Variants in LRCH3 observed in about 807,000 individuals in gnomAD.
LRCH3 encodes the protein leucine rich repeats and calponin homology domain containing 3.
In LRCH3, 68 loss-of-function variants were observed where a neutral mutation model predicts 104.5. The observed-to-expected ratio is 0.65, with a 90% CI of 0.54 to 0.80. The LOEUF is 0.80. LRCH3 is among the 30% of genes least tolerant of loss of function. LRCH3 has a pLI of 0.00. For missense variants in LRCH3, 951 were observed against 953.9 expected (o/e 1.00, Z 0.04); for synonymous variants, 344 against 361.3 (o/e 0.95, Z 0.54).
chr3:197,827,128 A>G lies in LRCH3; in HGVS notation c.777+114A>G, dbSNP rs1026746208. ...TCAGGTAAATCATAGTGGAAGCATC[A>G]GGTAAACCACAGTGGAAGCATCAGG... On this transcript the variant is annotated intron_variant, in intron 5 of 20. Transcript: ENST00000425562. 1.3e-5 allele frequency: 19 copies of G among 1,504,220 alleles called. No individual in the cohort carries two copies. The South Asian group carries it at 2.0e-4, about 16-fold the overall frequency. 93.2% of individuals were successfully genotyped at this position (1,504,220 alleles called of 1,614,324 possible).
chr3:197,837,856 GGCCAACATGAAGAAAC>G (rs1317342143), intron 9 of LRCH3, among the ~76,000 whole-genome samples: 3 of 151,550 alleles, frequency 2.0e-5, no homozygotes, highest in Admixed American at 6.6e-5. Flanking sequence ...AGACCAGACT[GGCCAACATGAAGAAAC>G]GCTGTCTCTA....
chr3:197,796,505 G>A (rs1233370176), intron 1 of LRCH3, among the ~76,000 whole-genome samples: 1 of 152,176 alleles, frequency 6.6e-6, no homozygotes, highest in African/African-American at 2.4e-5. Flanking sequence ...AAGGATAGGA[G>A]TCCAAGATCA....
intron 6 of LRCH3, among the ~76,000 whole-genome samples, chr3:197,830,084 G>A (rs1037426468): frequency 6.6e-6 from 1 of 152,226 alleles, no homozygotes; most frequent in Admixed American, 6.5e-5. Flanking sequence ...GTAACTAGCC[G>A]AAGGCAAGTC....
At chr3:197,863,506 A>G (rs913842854) in intron 15 of LRCH3, among the ~76,000 whole-genome samples, 1 of 152,038 alleles carries the variant, frequency 6.6e-6, no homozygotes, top group African/African-American at 2.4e-5. Context: ...TGATCCACCC[A>G]CCTCAGCCTC....
intron 19 of LRCH3, among the ~76,000 whole-genome samples, chr3:197,875,427 G>A (rs982766697): frequency 6.6e-6 from 1 of 152,204 alleles, no homozygotes; most frequent in African/African-American, 2.4e-5. Context: ...ACTTTGGGAG[G>A]CTGAGGCAGG....
chr3:197,828,127 G>A (rs896339496), intron 5 of LRCH3, among the ~76,000 whole-genome samples: 3 of 150,910 alleles, frequency 2.0e-5, no homozygotes, highest in Non-Finnish European at 2.9e-5. Context: ...AGCTTTCAGA[G>A]CTAAAAACTA....
At chr3:197,796,267 C>T (rs565223051) in intron 1 of LRCH3, among the ~76,000 whole-genome samples, 2 of 152,084 alleles carry the variant, frequency 1.3e-5, no homozygotes, top group Admixed American at 6.5e-5. Context: ...GGGAGATAGA[C>T]GGGTGGAAGG....
intron 18 of LRCH3, 118 bp downstream of exon 18, chr3:197,870,396 C>T: frequency 1.0e-6 from 1 of 968,114 alleles, no homozygotes. Context: ...GACGGAGTCT[C>T]ACTCTGTCAC....
chr3:197,802,290 T>G (rs1359334764), intron 1 of LRCH3, among the ~76,000 whole-genome samples: 1 of 152,194 alleles, frequency 6.6e-6, no homozygotes, highest in Admixed American at 6.5e-5. Flanking sequence ...CTTTGTCCAT[T>G]TTGTGCTGCT....
At chr3:197,822,392 A>G (rs1045022841) in intron 4 of LRCH3, among the ~76,000 whole-genome samples, 1 of 152,254 alleles carries the variant, frequency 6.6e-6, no homozygotes, top group Non-Finnish European at 1.5e-5. Context: ...ACTTACTCCT[A>G]TAATAATATT....
At chr3:197,802,679 G>T (rs1309972919) in intron 1 of LRCH3, among the ~76,000 whole-genome samples, 9 of 152,076 alleles carry the variant, frequency 5.9e-5, no homozygotes, top group African/African-American at 2.2e-4. Flanking sequence ...TCATTAATCT[G>T]TTCAGATTTT....
chr3:197,839,342 G>T lies in LRCH3; in HGVS notation c.1273G>T (p.Ala425Ser). 1 of 1,596,106 alleles carries T rather than the reference G, an allele frequency of 6.3e-7. No homozygotes were observed. The highest frequency in any genetic ancestry group is 8.5e-7 in the Non-Finnish European group (1 of 1,174,660). ...SHEGSPVKPV[A>S]IREFQKTEDM... ...CTAGGGTTCACCAGTAAAGCCAGTAGCCATTAGGGAGTTTCAAAAAACAGA... is the reference window on the plus strand; with the variant it reads ...CTAGGGTTCACCAGTAAAGCCAGTATCCATTAGGGAGTTTCAAAAAACAGA... Residue 425 changes from alanine to serine, a missense_variant, in exon 10 of 21, where the codon GCC becomes TCC. Physicochemically the swap from Ala to Ser is moderately conservative, Grantham distance 99. Coordinates refer to ENST00000425562, the MANE Select transcript of LRCH3 (RefSeq NM_001365715.1).
In LRCH3 at chr3:197,885,842, T is replaced by G. The variant is rs1714158258; in HGVS notation, c.*2176T>G. 6.6e-6 allele frequency: 1 copy of G among 152,220 alleles called. No individual in the cohort carries two copies. Among genetic ancestry groups the G allele is most frequent in the Non-Finnish European group, 1.5e-5 (1 of 68,040 alleles). 9.4% of individuals were successfully genotyped at this position (152,220 alleles called of 1,614,324 possible). On this transcript the variant is annotated 3_prime_UTR_variant, in exon 21 of 21. Transcript: ENST00000425562. ...AGTAAGCGGAAGATATCTCTTTTGT[T>G]TCTGTAGTTGTTAACTGTTCTGGAT...
chr3:197,880,096 C>A lies in LRCH3; in HGVS notation c.2209-3445C>A, dbSNP rs367931904. Among the ~76,000 whole-genome samples, 46 of 151,306 alleles carry A rather than the reference C, an allele frequency of 3.0e-4. 1 individual carries two copies. Among genetic ancestry groups the A allele is most frequent in the African/African-American group, 1.1e-3 (43 of 40,932 alleles). ...GAGTAGCTGGGACTACAGGCGCCCG[C>A]CACCACGCCCGGCTAATTTTTTGTA... On this transcript the variant is annotated intron_variant, in intron 20 of 20. Transcript: ENST00000425562.
intron 15 of LRCH3, among the ~76,000 whole-genome samples, chr3:197,862,376 C>A (rs557740847): frequency 1.2e-3 from 186 of 152,324 alleles, no homozygotes; most frequent in African/African-American, 4.3e-3. Context: ...ATAAAGTTGC[C>A]TGTTAACTTT....
chr3:197,835,853 G>C, intron 9 of LRCH3, 31 bp downstream of exon 9: 5 of 1,602,074 alleles, frequency 3.1e-6, no homozygotes, highest in Non-Finnish European at 4.3e-6. Flanking sequence ...TAAATATGTT[G>C]CTATCCCTTC....
intron 15 of LRCH3, 62 bp from the exon 16 acceptor site, chr3:197,865,361 A>G (rs1741360372): frequency 5.1e-6 from 6 of 1,185,200 alleles, no homozygotes; most frequent in South Asian, 2.6e-5. Context: ...CAAAATTACC[A>G]TAAAAGTAGA....
intron 12 of LRCH3, 21 bp from the exon 13 acceptor site, chr3:197,852,540 G>C (rs368819883): frequency 2.2e-5 from 36 of 1,610,984 alleles, no homozygotes; most frequent in Non-Finnish European, 2.7e-5. Context: ...TCCTTTTTTG[G>C]GGGGTTTTGG....
intron 19 of LRCH3, among the ~76,000 whole-genome samples, chr3:197,872,524 A>G (rs1406363683): frequency 1.3e-5 from 2 of 152,148 alleles, no homozygotes; most frequent in East Asian, 3.9e-4. Flanking sequence ...TGAGCCCAGG[A>G]GTTTGAGACC....
Sources: gnomAD v4.1 joint callset for allele counts (sites outside exome capture counted in the v4.1 genomes callset) on GRCh38, gnomAD v4.1.1 for gene constraint, MANE v1.5 for transcripts, NCBI Gene and HGNC (gene_info 2026-07-23, HGNC 2026-07-21) for gene names.